SNCAIP: variants seen among roughly 807,000 people sequenced by gnomAD.
SNCAIP encodes the protein synuclein alpha interacting protein, also known as synphilin-1.
A neutral mutation model predicts 86.7 loss-of-function variants in SNCAIP; 43 were observed. The observed-to-expected ratio is 0.50, with a 90% CI of 0.39 to 0.64. SNCAIP has a LOEUF of 0.64. Among genes scored for constraint, SNCAIP ranks in the 30% least tolerant of loss-of-function variants. SNCAIP has a pLI of 0.00. For missense variants in SNCAIP, 981 were observed against 1,103.1 expected (o/e 0.89, Z 1.57); for synonymous variants, 417 against 427.2 (o/e 0.98, Z 0.29).
intron 1 of SNCAIP, among the ~76,000 whole-genome samples, chr5:122,372,297 G>A (rs977673329): frequency 6.6e-6 from 1 of 152,120 alleles, no homozygotes; most frequent in African/African-American, 2.4e-5. Context: ...TGCAACATTT[G>A]CCAGTTTCCA....
intron 1 of SNCAIP, among the ~76,000 whole-genome samples, chr5:122,346,135 G>T (rs562800186): frequency 2.8e-4 from 42 of 152,208 alleles, no homozygotes; most frequent in African/African-American, 9.4e-4. Context: ...AGGTGATATG[G>T]AGGGATACAA....
At chr5:122,324,027 G>A (rs373508764) in intron 1 of SNCAIP, among the ~76,000 whole-genome samples, 6 of 152,242 alleles carry the variant, frequency 3.9e-5, no homozygotes, top group Admixed American at 2.0e-4. Context: ...ATTGCTATGT[G>A]CTATTTTAGT....
At chr5:122,393,839 C>T (rs1347604079) in intron 2 of SNCAIP, among the ~76,000 whole-genome samples, 2 of 152,160 alleles carry the variant, frequency 1.3e-5, no homozygotes, top group Non-Finnish European at 2.9e-5. Context: ...GACTTCATAC[C>T]TTAGCGAAGC....
chr5:122,315,130 A>G (rs1387349459), intron 1 of SNCAIP, among the ~76,000 whole-genome samples: 2 of 152,262 alleles, frequency 1.3e-5, no homozygotes. Context: ...ACTATAGCTT[A>G]TGATTCTGGT....
intron 1 of SNCAIP, among the ~76,000 whole-genome samples, chr5:122,318,908 A>G (rs566734160): frequency 2.6e-5 from 4 of 151,448 alleles, no homozygotes; most frequent in Admixed American, 2.0e-4. Flanking sequence ...ATGCCTTACA[A>G]TTACTTTCTT....
chr5:122,340,835 T>C (rs925514231), intron 1 of SNCAIP, among the ~76,000 whole-genome samples: 3 of 152,230 alleles, frequency 2.0e-5, no homozygotes, highest in Non-Finnish European at 4.4e-5. Flanking sequence ...CACCTGTATC[T>C]AGATAAATTT....
At chr5:122,335,317 A>G (rs1224903509) in intron 1 of SNCAIP, among the ~76,000 whole-genome samples, 1 of 152,200 alleles carries the variant, frequency 6.6e-6, no homozygotes, top group African/African-American at 2.4e-5. Context: ...TAACAGTTCA[A>G]TTCTGTTAAC....
chr5:122,335,676 G>A (rs1037693774), intron 1 of SNCAIP, among the ~76,000 whole-genome samples: 3 of 152,206 alleles, frequency 2.0e-5, no homozygotes, highest in African/African-American at 7.2e-5. Context: ...GAGAAGTTGA[G>A]CTCTGACATA....
intron 1 of SNCAIP, among the ~76,000 whole-genome samples, chr5:122,345,921 G>GGGATTACAGTTGTGAGCCAC (rs1467772570): frequency 3.9e-5 from 6 of 151,910 alleles, no homozygotes; most frequent in Admixed American, 2.6e-4. Flanking sequence ...CCAAAGTGTT[G>GGGATTACAGTTGTGAGCCAC]GGATTACAGT....
chr5:122,334,975 CTG>C (rs1473465877), intron 1 of SNCAIP, among the ~76,000 whole-genome samples: 1 of 152,102 alleles, frequency 6.6e-6, no homozygotes, highest in African/African-American at 2.4e-5. Flanking sequence ...ATTACTAAAT[CTG>C]TAGATTTAGC....
intron 3 of SNCAIP, among the ~76,000 whole-genome samples, chr5:122,412,096 A>G (rs964786125): frequency 1.3e-5 from 2 of 152,048 alleles, no homozygotes; most frequent in African/African-American, 4.8e-5. Flanking sequence ...CAGTTCTTCA[A>G]ATGTGCAGTG....
chr5:122,448,648 A>T (rs567777230), intron 8 of SNCAIP, among the ~76,000 whole-genome samples: 42 of 132,914 alleles, frequency 3.2e-4, no homozygotes, highest in South Asian at 3.1e-3. Context: ...TGTTATATAT[A>T]TTTTTATATA....
At chr5:122,332,429 A>G in intron 1 of SNCAIP, among the ~76,000 whole-genome samples, 1 of 152,266 alleles carries the variant, frequency 6.6e-6, no homozygotes. Flanking sequence ...GCCCCAGAGC[A>G]TATACCTTGA....
chr5:122,459,358 C>T (rs1214774727), intron 10 of SNCAIP, among the ~76,000 whole-genome samples: 1 of 152,190 alleles, frequency 6.6e-6, no homozygotes, highest in African/African-American at 2.4e-5. Flanking sequence ...CAAGTTAGAA[C>T]ACTTGAAAAA....
At chr5:122,371,373 G>A (rs964936681) in intron 1 of SNCAIP, 1 of 152,062 alleles carries the variant, frequency 6.6e-6, no homozygotes, top group Non-Finnish European at 1.5e-5. Context: ...CCAGTATAGG[G>A]GCTAACTACT....
At chr5:122,388,391 C>G (rs1768651142) in intron 1 of SNCAIP, among the ~76,000 whole-genome samples, 1 of 152,096 alleles carries the variant, frequency 6.6e-6, no homozygotes, top group African/African-American at 2.4e-5. Context: ...TGCCATGGGT[C>G]TGAAAGAAGG....
At chr5:122,359,353 A>T (rs150934978) in intron 1 of SNCAIP, among the ~76,000 whole-genome samples, 5 of 97,266 alleles carry the variant, frequency 5.1e-5, no homozygotes, top group Admixed American at 2.5e-4. Context: ...TTTTATTTTT[A>T]TTTATTTATT....
At position 122,321,006 on chromosome 5, in the gene SNCAIP, C is replaced by G. The variant is rs564167646; in HGVS notation, c.-47+8722C>G. 2.5e-3 allele frequency among the ~76,000 whole-genome samples: 375 copies of G among 152,230 alleles called. 3 individuals carry two copies. The highest frequency in any genetic ancestry group is 8.4e-3 in the African/African-American group (349 of 41,548). Reference sequence around the variant, plus strand: ...TCCATAGGCATTTCCCCCACTCACCCTCTTGCCCTGAGACCGCCTCCCCAG... The same window carrying G: ...TCCATAGGCATTTCCCCCACTCACCGTCTTGCCCTGAGACCGCCTCCCCAG... On this transcript the variant is annotated intron_variant, in intron 1 of 10. Transcript: ENST00000261368.
chr5:122,330,822 T>G (rs145898763), intron 1 of SNCAIP, among the ~76,000 whole-genome samples: 2,053 of 152,116 alleles, frequency 0.013, 53 homozygotes, highest in African/African-American at 0.047. Flanking sequence ...ATTATTACAT[T>G]GTAATATATG....
Sources: allele counts gnomAD v4.1 joint callset (sites outside exome capture counted in the v4.1 genomes callset), GRCh38; gene constraint gnomAD v4.1.1; transcripts MANE v1.5; gene names NCBI Gene and HGNC (gene_info 2026-07-23, HGNC 2026-07-21).